TFRC: variants seen among roughly 807,000 people sequenced by gnomAD.
The protein encoded by TFRC is transferrin receptor.
TFRC carries 35 observed loss-of-function variants against 85.8 expected under a neutral mutation model. That is an observed-to-expected ratio of 0.41 (90% CI 0.31 to 0.54). TFRC has a LOEUF of 0.54. TFRC is among the 20% of genes least tolerant of loss of function. The pLI, the probability that TFRC is intolerant of heterozygous loss-of-function variation, is 0.31. For synonymous variants in TFRC, 362 were observed against 328.6 expected (o/e 1.10, Z -1.10); for missense variants, 828 against 921.5 (o/e 0.90, Z 1.31).
At position 196,069,546 on chromosome 3, in the gene TFRC, A is replaced by G. The variant is rs1260614375; in HGVS notation, c.710T>C (p.Phe237Ser). The G allele has an allele frequency of 6.2e-7, 1 of 1,609,864 alleles. No individual in the cohort carries two copies. The highest frequency in any genetic ancestry group is 8.5e-7 in the Non-Finnish European group (1 of 1,176,378). The part of the protein sequence containing the change: ...TVTGKLVHAN[F>S]GTKKDFEDLY... ...ATCCTCAAAATCTTTTTTAGTACCA[A>G]AATTAGCATGGACCAGTTTACCCTA... The change falls in exon 7 of 19, where the codon TTT becomes TCT. Residue 237 changes from phenylalanine to serine, a missense_variant. Coordinates refer to ENST00000360110, the MANE Select transcript of TFRC (RefSeq NM_001128148.3).
Position 196,064,441 on chromosome 3 carries a change from A to G in TFRC, c.1199-13T>C. 6.4e-7 allele frequency: 1 copy of G among 1,572,146 alleles called. No homozygotes were observed. The highest frequency in any genetic ancestry group is 8.6e-7 in the Non-Finnish European group (1 of 1,168,056). ...ACAACATAGTGATCTTTAAAAAAGA[A>G]AAAAGAGGAAGAAAGAACTTATATA... is the stretch of plus-strand genomic sequence containing the variant. On this transcript the variant is annotated splice_polypyrimidine_tract_variant and intron_variant, in intron 10 of 18. Transcript: ENST00000360110.
chr3:196,066,146 G>A (rs979839711), intron 9 of TFRC, among the ~76,000 whole-genome samples: 1 of 152,152 alleles, frequency 6.6e-6, no homozygotes, highest in African/African-American at 2.4e-5. Flanking sequence ...GCGCCTTTCT[G>A]CCAGACATAC....
intron 11 of TFRC, 38 bp downstream of exon 11, chr3:196,064,271 T>C: frequency 1.3e-6 from 2 of 1,593,000 alleles, no homozygotes; most frequent in Middle Eastern, 1.7e-4. Context: ...CTGTATGCAG[T>C]GCACCAATAT....
At chr3:196,057,395 T>C (rs1297609329) in intron 16 of TFRC, among the ~76,000 whole-genome samples, 2 of 152,116 alleles carry the variant, frequency 1.3e-5, no homozygotes, top group Non-Finnish European at 2.9e-5. Flanking sequence ...CCCTTAGTTG[T>C]AAGCCCTTAA....
intron 10 of TFRC, 23 bp downstream of exon 10, chr3:196,065,420 G>GC: frequency 2.0e-5 from 1 of 49,322 alleles, no homozygotes; most frequent in Non-Finnish European, 3.0e-5. Flanking sequence ...AGCGGGGCGG[G>GC]GGGGGGGGGG....
At chr3:196,061,500 G>GT (rs1038507475) in intron 13 of TFRC, among the ~76,000 whole-genome samples, 6 of 151,746 alleles carry the variant, frequency 4.0e-5, no homozygotes, top group African/African-American at 1.2e-4. Context: ...TTTTTTGTTT[G>GT]TTTTTTTGAG....
intron 16 of TFRC, among the ~76,000 whole-genome samples, chr3:196,057,726 A>G (rs1486261952): frequency 2.0e-5 from 3 of 150,128 alleles, no homozygotes; most frequent in Non-Finnish European, 4.4e-5. Flanking sequence ...GGCTGCAGTG[A>G]GCCATGATCG....
intron 2 of TFRC, among the ~76,000 whole-genome samples, chr3:196,075,802 A>ATT (rs1199203570): frequency 6.6e-6 from 1 of 152,048 alleles, no homozygotes; most frequent in Admixed American, 6.6e-5. Context: ...ATAAGCAGAA[A>ATT]TTCTGACTAA....
At chr3:196,061,799 A>C (rs745351368) in intron 13 of TFRC, among the ~76,000 whole-genome samples, 96 of 152,254 alleles carry the variant, frequency 6.3e-4, no homozygotes, top group Admixed American at 2.6e-3. Context: ...CAAAAAGCCC[A>C]GTTTTTAGAC....
In TFRC at chr3:196,067,971, A is replaced by G. The variant is rs1717871794; in HGVS notation, c.900+61T>C. On this transcript the variant is annotated intron_variant, in intron 8 of 18. Coordinates refer to ENST00000360110, the MANE Select transcript of TFRC (RefSeq NM_001128148.3). ...AAGACACAGTGCTATTTCTGCTAATACAGGAATCCAAGAACAACTCAAGGA... is the reference window on the plus strand; with the variant it reads ...AAGACACAGTGCTATTTCTGCTAATGCAGGAATCCAAGAACAACTCAAGGA... 12 of 1,369,768 alleles carry G rather than the reference A, an allele frequency of 8.8e-6. No individual in the cohort carries two copies. In the South Asian group the frequency reaches 1.4e-4, roughly 15 times the overall value. The allele number at this position is 1,369,768 out of a possible 1,614,324, so 84.9% of individuals were successfully genotyped here.
At chr3:196,062,508 G>C in intron 13 of TFRC, 74 bp downstream of exon 13, 1 of 1,355,794 alleles carries the variant, frequency 7.4e-7, no homozygotes. Flanking sequence ...ACTCCAGCCT[G>C]GGCGACAAGA....
chr3:196,067,441 A>G, intron 9 of TFRC, 77 bp downstream of exon 9: 1 of 1,439,796 alleles, frequency 6.9e-7, no homozygotes, highest in South Asian at 1.4e-5. Context: ...CATGTTTAAC[A>G]TTTTAATCAA....
Position 196,062,878 on chromosome 3 carries a change from C to A in TFRC, c.1380G>T (p.Ser460=). 1.2e-6 allele frequency: 2 copies of A among 1,614,110 alleles called. No homozygotes were observed. Among genetic ancestry groups the A allele is most frequent in the East Asian group, 2.2e-5 (1 of 44,882 alleles). Residue 460 remains serine, a synonymous_variant, in exon 12 of 19, where the codon TCG becomes TCT. Coordinates refer to ENST00000360110, the MANE Select transcript of TFRC (RefSeq NM_001128148.3). ...FASWSAGDFG[S]VGATEWLEGY... ...CCTCTAGCCATTCAGTGGCACCAAC[C>A]GATCCAAAGTCTCCAGCACTCCAAC...
chr3:196,064,235 A>G, intron 11 of TFRC, 74 bp downstream of exon 11: 1 of 1,420,178 alleles, frequency 7.0e-7, no homozygotes, highest in Non-Finnish European at 9.3e-7. Context: ...AGGCAAAGTG[A>G]GCAAAGCACA....
intron 1 of TFRC, among the ~76,000 whole-genome samples, chr3:196,078,818 A>AAATTAATTTTAAGAACACAAAGCGAT (rs1718924652): frequency 6.6e-6 from 1 of 150,800 alleles, no homozygotes; most frequent in South Asian, 2.1e-4. Flanking sequence ...CTTGTTGCCT[A>AAATTAATTTTAAGAACACAAAGCGAT]GGCTGGAGTG....
intron 14 of TFRC, among the ~76,000 whole-genome samples, chr3:196,059,614 A>G (rs41297503): frequency 6.7e-6 from 1 of 150,356 alleles, no homozygotes; most frequent in Non-Finnish European, 1.5e-5. Flanking sequence ...TTATTTATTT[A>G]TTTTTTTTTT....
In TFRC at chr3:196,058,603, T is replaced by C. The variant is rs373616633; in HGVS notation, c.1566A>G (p.Leu522=). ...NVKHPVTGQF[L]YQDSNWASKV... is the part of the protein sequence containing the mutation. ...TGCTGGCCCAGTTGCTGTCCTGATA[T>C]AGAAATTGCCCAGTAACCGGATGCT... The change falls in exon 15 of 19, where the codon CTA becomes CTG. Residue 522 remains leucine, a synonymous_variant. Transcript: ENST00000360110. 38 of 1,611,532 alleles carry C rather than the reference T, an allele frequency of 2.4e-5. No individual in the cohort carries two copies. Among genetic ancestry groups the C allele is most frequent in the Middle Eastern group, 1.6e-4 (1 of 6,072 alleles).
intron 10 of TFRC, 134 bp from the exon 11 acceptor site, chr3:196,064,562 CT>C: frequency 1.3e-6 from 1 of 753,006 alleles, no homozygotes; most frequent in Non-Finnish European, 1.8e-6. Flanking sequence ...TCAAATCTGA[CT>C]AAAAACTCTG....
intron 2 of TFRC, among the ~76,000 whole-genome samples, chr3:196,075,890 G>GA (rs573552274): frequency 1.3e-3 from 190 of 151,566 alleles, no homozygotes; most frequent in African/African-American, 3.9e-3. Flanking sequence ...CTCTGGGGGG[G>GA]GCCGAGGCAC....
Sources: gnomAD v4.1 joint callset for allele counts (sites outside exome capture counted in the v4.1 genomes callset) on GRCh38, gnomAD v4.1.1 for gene constraint, MANE v1.5 for transcripts, NCBI Gene and HGNC (gene_info 2026-07-23, HGNC 2026-07-21) for gene names.